PUDP: variants seen among roughly 807,000 people sequenced by gnomAD.
PUDP encodes the protein pseudouridine-5'-phosphatase.
PUDP carries 8 observed loss-of-function variants against 9.4 expected under a neutral mutation model. The observed-to-expected ratio is 0.85, with a 90% CI of 0.50 to 1.53. The LOEUF is 1.53. PUDP is among the 40% of genes most tolerant of loss of function. The pLI is 0.00. For synonymous variants in PUDP, 99 were observed against 80.7 expected, an observed-to-expected ratio of 1.23 and a Z score of -1.22; for missense variants, 188 against 189.7, an observed-to-expected ratio of 0.99 and a Z score of 0.05.
At chrX:6,837,609 C>T (rs1464247803) in intron 3 of PUDP, among the ~76,000 whole-genome samples, 3 of 112,649 alleles carry the variant, frequency 2.7e-5, no homozygotes, top group African/African-American at 6.4e-5. Context: ...TATTTCTTCC[C>T]CCTGGCCCCG....
intron 3 of PUDP, among the ~76,000 whole-genome samples, chrX:6,872,564 TG>T (rs1325858066): frequency 1.8e-5 from 2 of 108,775 alleles, no homozygotes; most frequent in Non-Finnish European, 3.8e-5. Context: ...CTGGGCATGG[TG>T]GTGGGTGCCT....
At chrX:7,057,475 T>G in intron 3 of PUDP, 2 of 391,238 alleles carry the variant, frequency 5.1e-6, no homozygotes, top group Non-Finnish European at 4.2e-6. Context: ...TAAAAATGGA[T>G]GGGATTAGAG....
chrX:7,097,040 C>T (rs1313831185), intron 2 of PUDP, among the ~76,000 whole-genome samples: 1 of 111,244 alleles, frequency 9.0e-6, no homozygotes, highest in African/African-American at 3.3e-5. Flanking sequence ...AAAACCCTCA[C>T]ACACACACTC....
chrX:6,843,415 G>A (rs945706165), intron 3 of PUDP, among the ~76,000 whole-genome samples: 1 of 111,263 alleles, frequency 9.0e-6, no homozygotes. Flanking sequence ...CCCAGTGGAG[G>A]GTGTTAATGA....
chrX:7,086,235 C>G (rs1367758261), intron 2 of PUDP, among the ~76,000 whole-genome samples: 1 of 111,955 alleles, frequency 8.9e-6, no homozygotes, highest in Non-Finnish European at 1.9e-5. Context: ...CTGTGCTGAT[C>G]GCTTTAACTA....
At chrX:6,717,697 T>C (rs1457184720) in intron 1 of PUDP, among the ~76,000 whole-genome samples, 1 of 111,885 alleles carries the variant, frequency 8.9e-6, no homozygotes. Context: ...GACTTTGAGT[T>C]CTCTAAAAGG....
At chrX:6,830,332 GA>G (rs1213545106) in intron 3 of PUDP, among the ~76,000 whole-genome samples, 21 of 108,292 alleles carry the variant, frequency 1.9e-4, no homozygotes, top group African/African-American at 5.7e-4. Context: ...ATGATAAAGG[GA>G]AAAAAAAATC....
intron 3 of PUDP, among the ~76,000 whole-genome samples, chrX:6,903,674 G>A (rs1927724318): frequency 9.0e-6 from 1 of 110,986 alleles, no homozygotes; most frequent in Non-Finnish European, 1.9e-5. Context: ...CTATCTTAAG[G>A]GAATTAACTC....
intron 3 of PUDP, among the ~76,000 whole-genome samples, chrX:6,941,341 CTTTTTT>C (rs761887998): frequency 3.8e-5 from 3 of 78,647 alleles, no homozygotes; most frequent in East Asian, 4.2e-4. Context: ...TCTTTTCTGT[CTTTTTT>C]TTTTTTTTTT....
At chrX:6,729,362 C>G (rs1171017720) in intron 3 of PUDP, among the ~76,000 whole-genome samples, 2 of 112,052 alleles carry the variant, frequency 1.8e-5, no homozygotes, top group Non-Finnish European at 3.8e-5. Context: ...CCGGACCAAA[C>G]CAATGTTCAT....
intron 1 of PUDP, among the ~76,000 whole-genome samples, chrX:7,121,147 A>G (rs1360247534): frequency 1.8e-5 from 2 of 112,075 alleles, no homozygotes; most frequent in African/African-American, 6.5e-5. Flanking sequence ...GTTGTTTTAA[A>G]AAGAAAAACT....
At chrX:7,094,075 C>A (rs1931499813) in intron 2 of PUDP, among the ~76,000 whole-genome samples, 1 of 111,279 alleles carries the variant, frequency 9.0e-6, no homozygotes, top group African/African-American at 3.3e-5. Context: ...CTGCAGTGAG[C>A]CATGACTGCA....
rs756304004 is a variant in PUDP at position 7,049,282 on chromosome X, A to T, written c.*1014T>A. On this transcript the variant is annotated 3_prime_UTR_variant, in exon 4 of 4. Coordinates refer to ENST00000381077, the MANE Select transcript of PUDP (RefSeq NM_012080.5). ...GTTTTTCTCTGGCAAATCAGAGACGAATTTTAAAGACTGAGTAAATCTATA... is the reference window on the plus strand; with the variant it reads ...GTTTTTCTCTGGCAAATCAGAGACGTATTTTAAAGACTGAGTAAATCTATA... The T allele has an allele frequency of 8.9e-6, 1 of 112,392 alleles. No individual in the cohort carries two copies. Among genetic ancestry groups the T allele is most frequent in the South Asian group, 3.7e-4 (1 of 2,701 alleles). The allele number at this position is 112,392 out of a possible 1,213,427, so 9.3% of individuals were successfully genotyped here. A position where few individuals can be genotyped will look rare whatever the true frequency, so the allele number is the denominator to read the frequency against.
intron 3 of PUDP, among the ~76,000 whole-genome samples, chrX:6,848,403 G>C (rs1030793500): frequency 3.6e-5 from 4 of 112,186 alleles, no homozygotes; most frequent in Non-Finnish European, 7.5e-5. Flanking sequence ...GTCTGCAGTC[G>C]AGAGGCCGTT....
At chrX:7,101,130 G>A (rs772854456) in intron 2 of PUDP, among the ~76,000 whole-genome samples, 26 of 111,908 alleles carry the variant, frequency 2.3e-4, no homozygotes, top group Non-Finnish European at 4.5e-4. Context: ...ACAGCTAATT[G>A]TGTATATGGC....
intron 3 of PUDP, among the ~76,000 whole-genome samples, chrX:7,075,306 A>T (rs1335737367): frequency 1.8e-5 from 2 of 111,650 alleles, no homozygotes; most frequent in East Asian, 5.7e-4. Flanking sequence ...GGAGTTCAAG[A>T]CCAGCCTGGC....
chrX:7,023,194 A>G (rs1929657009), intron 1 of PUDP, among the ~76,000 whole-genome samples: 1 of 112,125 alleles, frequency 8.9e-6, no homozygotes, highest in African/African-American at 3.2e-5. Flanking sequence ...CAAGGCTCCA[A>G]TGTTGCCAAT....
At chrX:7,060,515 G>A (rs1008382869) in intron 3 of PUDP, among the ~76,000 whole-genome samples, 1 of 112,153 alleles carries the variant, frequency 8.9e-6, no homozygotes, top group Non-Finnish European at 1.9e-5. Flanking sequence ...AATTAGCACA[G>A]AAATGTTTCC....
downstream of PUDP, among the ~76,000 whole-genome samples, chrX:7,045,170 G>A (rs944957505): frequency 4.5e-5 from 5 of 112,256 alleles, no homozygotes; most frequent in African/African-American, 6.5e-5. Context: ...CTGGCACTTC[G>A]CTCTTTCAGT....
Sources: allele counts gnomAD v4.1 joint callset (sites outside exome capture counted in the v4.1 genomes callset), GRCh38; gene constraint gnomAD v4.1.1; transcripts MANE v1.5; gene names NCBI Gene and HGNC (gene_info 2026-07-23, HGNC 2026-07-21).